Variants in NUP155 observed in about 807,000 individuals in gnomAD.
NUP155 encodes the protein nuclear pore complex protein Nup155.
Under a neutral mutation model 180.4 loss-of-function variants are expected in NUP155, and 71 were observed. The ratio of observed to expected loss-of-function variants is 0.39; its 90% CI spans 0.33 to 0.48. The LOEUF (loss-of-function observed/expected upper bound fraction) is 0.48. Ranked by LOEUF, NUP155 falls within the 20% of genes least tolerant of loss-of-function variation. The pLI, the probability that NUP155 is intolerant of heterozygous loss-of-function variation, is 0.91. For missense variants in NUP155, 1,553 were observed against 1,648.9 expected, an observed-to-expected ratio of 0.94 and a Z score of 1.01; for synonymous variants, 582 against 559.5, an observed-to-expected ratio of 1.04 and a Z score of -0.57.
rs1747382055 is a variant in NUP155 at position 37,363,983 on chromosome 5, A to G, written c.297T>C (p.His99=). ...CACCCATCATGCAATTACACTGCATATCTGAGGTAGTGTGGATGTAAGGCA... is the reference window on the plus strand; with the variant it reads ...CACCCATCATGCAATTACACTGCATGTCTGAGGTAGTGTGGATGTAAGGCA... The part of the protein sequence containing the change: ...LPPELVEQFG[H]MQCNCMMGVF... The change falls in exon 3 of 35, where the codon CAT becomes CAC. Residue 99 remains histidine, a splice_region_variant and synonymous_variant. Coordinates refer to ENST00000231498, the MANE Select transcript of NUP155 (RefSeq NM_153485.3). 1 of 1,596,312 alleles carries G rather than the reference A, an allele frequency of 6.3e-7. No individual in the cohort carries two copies. The highest frequency in any genetic ancestry group is 1.7e-5 in the Admixed American group (1 of 59,990).
chr5:37,352,978 T>C (rs2111612246), intron 4 of NUP155, 149 bp from the exon 5 acceptor site: 1 of 602,958 alleles, frequency 1.7e-6, no homozygotes, highest in Non-Finnish European at 3.0e-6. Flanking sequence ...AAAAATATTA[T>C]TATGTATGAT....
chr5:37,303,206 G>A (rs1332443414), intron 28 of NUP155, 54 bp downstream of exon 28: 1 of 1,580,986 alleles, frequency 6.3e-7, no homozygotes, highest in Non-Finnish European at 8.7e-7. Flanking sequence ...CTGAATGTAA[G>A]TACATATAGC....
chr5:37,315,490 G>C (rs559005240), intron 21 of NUP155, among the ~76,000 whole-genome samples: 1 of 149,858 alleles, frequency 6.7e-6, no homozygotes, highest in South Asian at 2.1e-4. Flanking sequence ...TCTATAAAAA[G>C]GCATATTACT....
At chr5:37,338,660 C>T (rs1281834804) in intron 11 of NUP155, among the ~76,000 whole-genome samples, 1 of 152,106 alleles carries the variant, frequency 6.6e-6, no homozygotes. Context: ...CCAACTTGGC[C>T]TCCCAAAGTA....
chr5:37,322,945 C>T (rs556881650), intron 20 of NUP155, among the ~76,000 whole-genome samples: 1 of 150,734 alleles, frequency 6.6e-6, no homozygotes, highest in African/African-American at 2.4e-5. Flanking sequence ...TGCACTCCAG[C>T]CTGGGCGACA....
At chr5:37,322,214 T>C (rs924212414) in intron 20 of NUP155, among the ~76,000 whole-genome samples, 1 of 152,144 alleles carries the variant, frequency 6.6e-6, no homozygotes, top group African/African-American at 2.4e-5. Flanking sequence ...CTCGAACTCC[T>C]GGCTTCAAGC....
chr5:37,352,857 A>T (rs182895535), intron 4 of NUP155, 28 bp from the exon 5 acceptor site: 24 of 1,493,574 alleles, frequency 1.6e-5, no homozygotes, highest in Non-Finnish European at 2.1e-5. Flanking sequence ...CAGGGCAGGA[A>T]TACTTTCAGC....
At chr5:37,345,793 G>A (rs916768836) in intron 9 of NUP155, among the ~76,000 whole-genome samples, 3 of 151,426 alleles carry the variant, frequency 2.0e-5, no homozygotes, top group African/African-American at 7.3e-5. Context: ...AGTCCCAGCT[G>A]CTTGGGAGGG....
intron 12 of NUP155, among the ~76,000 whole-genome samples, chr5:37,333,863 G>A (rs928704059): frequency 5.3e-5 from 8 of 151,506 alleles, no homozygotes; most frequent in Non-Finnish European, 1.2e-4. Flanking sequence ...GTGTAGTGGA[G>A]TGATCTTGGC....
intron 20 of NUP155, among the ~76,000 whole-genome samples, chr5:37,322,186 T>C (rs1461819443): frequency 6.6e-6 from 1 of 151,998 alleles, no homozygotes; most frequent in African/African-American, 2.4e-5. Context: ...CAAGGTCTCC[T>C]ATATTGCCCA....
At chr5:37,369,518 A>G (rs540411591) in intron 1 of NUP155, among the ~76,000 whole-genome samples, 1 of 152,286 alleles carries the variant, frequency 6.6e-6, no homozygotes, top group South Asian at 2.1e-4. Flanking sequence ...GAGATATGTA[A>G]GAGAAGGACC....
intron 9 of NUP155, among the ~76,000 whole-genome samples, chr5:37,344,228 A>C (rs1476631726): frequency 6.6e-6 from 1 of 151,804 alleles, no homozygotes; most frequent in African/African-American, 2.4e-5. Flanking sequence ...CTAGAGTCCC[A>C]GCTACTTGGG....
At chr5:37,314,385 T>C in intron 21 of NUP155, 57 bp from the exon 22 acceptor site, 16 of 1,353,310 alleles carry the variant, frequency 1.2e-5, no homozygotes, top group Non-Finnish European at 1.6e-5. Flanking sequence ...TTGCTTTATT[T>C]CAAATAAAAA....
intron 16 of NUP155, among the ~76,000 whole-genome samples, chr5:37,328,680 C>A (rs553052602): frequency 1.3e-5 from 2 of 152,088 alleles, no homozygotes; most frequent in African/African-American, 4.8e-5. Context: ...ACTTTTTGTA[C>A]TTTTAGTAGA....
Position 37,333,562 on chromosome 5 carries a change from A to T in NUP155, c.1419T>A (p.Ile473=). ...GAATATGATCCTTGTTTAAAGGTGT[A>T]ATTATTTTATCTACTTTCAATTCAT... The part of the protein sequence containing the change: ...AIDELKVDKI[I]TPLNKDHIPI... The change falls in exon 13 of 35, where the codon ATT becomes ATA. Residue 473 remains isoleucine, a synonymous_variant. Coordinates refer to ENST00000231498, the MANE Select transcript of NUP155 (RefSeq NM_153485.3). The T allele has an allele frequency of 6.2e-7, 1 of 1,613,646 alleles. No individual in the cohort carries two copies. Among genetic ancestry groups the T allele is most frequent in the East Asian group, 2.2e-5 (1 of 44,870 alleles).
At chr5:37,310,518 A>G in intron 23 of NUP155, 34 bp downstream of exon 23, 5 of 1,556,500 alleles carry the variant, frequency 3.2e-6, no homozygotes, top group Non-Finnish European at 3.5e-6. Context: ...TACCTCTTAT[A>G]ACAAACAATG....
chr5:37,303,241 TAAG>T lies in NUP155; in HGVS notation c.3317+16_3317+18del. 1 of 1,611,708 alleles carries T rather than the reference TAAG, an allele frequency of 6.2e-7. No individual in the cohort carries two copies. The highest frequency in any genetic ancestry group is 8.5e-7 in the Non-Finnish European group (1 of 1,177,848). On this transcript the variant is annotated intron_variant, in intron 28 of 34. Transcript: ENST00000231498. ...CTCAGTTTTGAATCATTCTTCACAA[TAAG>T]AATATTATGCCATACCTATGCATGT...
At chr5:37,351,445 C>T (rs944246859) in intron 5 of NUP155, 89 bp from the exon 6 acceptor site, 1 of 972,518 alleles carries the variant, frequency 1.0e-6, no homozygotes, top group Non-Finnish European at 1.6e-6. Context: ...TATATGTTTA[C>T]TCAATTCTTT....
intron 20 of NUP155, among the ~76,000 whole-genome samples, chr5:37,318,701 A>G (rs1744061443): frequency 6.6e-6 from 1 of 152,310 alleles, no homozygotes; most frequent in Non-Finnish European, 1.5e-5. Flanking sequence ...TTCAATGTGT[A>G]TCACAATACA....
Sources: allele counts gnomAD v4.1 joint callset (sites outside exome capture counted in the v4.1 genomes callset), GRCh38; gene constraint gnomAD v4.1.1; transcripts MANE v1.5; gene names NCBI Gene and HGNC (gene_info 2026-07-23, HGNC 2026-07-21).